Variants in TFEB observed in about 807,000 individuals in gnomAD.
The protein encoded by TFEB is transcription factor EB.
Under a neutral mutation model 48.0 loss-of-function variants are expected in TFEB, and 12 were observed. That is an observed-to-expected ratio of 0.25 (90% CI 0.16 to 0.40). The LOEUF is 0.40. Among genes scored for constraint, TFEB ranks in the 10% least tolerant of loss-of-function variants. TFEB has a pLI of 1.00. For missense variants in TFEB, 509 were observed against 640.3 expected (o/e 0.79, Z 2.21); for synonymous variants, 244 against 261.4 (o/e 0.93, Z 0.64).
chr6:41,697,954 G>C (rs1444260421), intron 1 of TFEB, among the ~76,000 whole-genome samples: 1 of 152,134 alleles, frequency 6.6e-6, no homozygotes, highest in East Asian at 1.9e-4. Context: ...TTTGGATGAT[G>C]TAACCATAAG....
Position 41,686,095 on chromosome 6 carries a change from T to C in TFEB, c.946A>G (p.Ile316Val). ...GTCCAAGTTCAGGACCAGACCTGGA[T>C]ACGGAGCCAGAGCTGCTTGTTGGTC... ...EMTNKQLWLR[I>V]QELEMQARVH... Residue 316 changes from isoleucine to valine, a missense_variant, in exon 8 of 9, where the codon ATC becomes GTC. By Grantham distance (29) the Ile-to-Val change is conservative (BLOSUM62 3). This residue lies in a region of TFEB where 62 missense variants were observed against 90.2 expected (regional missense o/e 0.69). Transcript: ENST00000373033. 1 of 1,614,240 alleles carries C rather than the reference T, an allele frequency of 6.2e-7. No individual in the cohort carries two copies. Among genetic ancestry groups the C allele is most frequent in the Non-Finnish European group, 8.5e-7 (1 of 1,180,040 alleles).
intron 1 of TFEB, among the ~76,000 whole-genome samples, chr6:41,715,465 T>C (rs1453247790): frequency 6.6e-6 from 1 of 151,752 alleles, no homozygotes; most frequent in Non-Finnish European, 1.5e-5. Flanking sequence ...AGGTCGGGAG[T>C]TCGAGACCAG....
At chr6:41,733,757 C>T in intron 1 of TFEB, 1 of 985,378 alleles carries the variant, frequency 1.0e-6, no homozygotes, top group Non-Finnish European at 1.2e-6. Context: ...TGCTGGCTGT[C>T]CCTCCCCGGA....
intron 1 of TFEB, among the ~76,000 whole-genome samples, chr6:41,715,678 A>C (rs1334567531): frequency 8.8e-6 from 1 of 113,800 alleles, no homozygotes; most frequent in Non-Finnish European, 1.9e-5. Context: ...TCAATTAAGA[A>C]AAAAAAAAAA....
chr6:41,706,514 C>A (rs906352562), intron 1 of TFEB, among the ~76,000 whole-genome samples: 1 of 151,810 alleles, frequency 6.6e-6, no homozygotes, highest in African/African-American at 2.4e-5. Context: ...TACACCCCCC[C>A]ACCCCCATCC....
At chr6:41,709,287 G>T (rs181440035) in intron 1 of TFEB, among the ~76,000 whole-genome samples, 2 of 149,912 alleles carry the variant, frequency 1.3e-5, no homozygotes, top group East Asian at 3.9e-4. Flanking sequence ...TTCTAGCTGT[G>T]TGACCTTCAT....
chr6:41,687,565 T>C (rs1769075103), intron 6 of TFEB, 188 bp downstream of exon 6: 1 of 724,552 alleles, frequency 1.4e-6, no homozygotes, highest in Admixed American at 2.3e-5. Flanking sequence ...AGAGGCCTAG[T>C]GGAAAGACAG....
chr6:41,698,897 C>A (rs1769750220), intron 1 of TFEB, among the ~76,000 whole-genome samples: 1 of 152,246 alleles, frequency 6.6e-6, no homozygotes, highest in Admixed American at 6.5e-5. Context: ...ACAAGGACAT[C>A]ACATAATCCT....
chr6:41,712,736 A>G (rs1770537497), intron 1 of TFEB, among the ~76,000 whole-genome samples: 1 of 151,690 alleles, frequency 6.6e-6, no homozygotes, highest in Non-Finnish European at 1.5e-5. Flanking sequence ...CAGGCACACA[A>G]TGGGGCTGTG....
At chr6:41,709,529 GTGGATGGATGGATGGATGGA>G (rs10604830) in intron 1 of TFEB, among the ~76,000 whole-genome samples, 3 of 149,330 alleles carry the variant, frequency 2.0e-5, no homozygotes, top group African/African-American at 4.9e-5. Context: ...ATAATGGTTG[GTGGATGGATGGATGGATGGA>G]TGGATGGATG....
Position 41,684,744 on chromosome 6 carries a change from G to A in TFEB, c.1286C>T (p.Ser429Phe). 6.2e-7 allele frequency: 1 copy of A among 1,613,544 alleles called. No individual in the cohort carries two copies. Among genetic ancestry groups the A allele is most frequent in the South Asian group, 1.1e-5 (1 of 91,002 alleles). The change falls in exon 9 of 9, where the codon TCC becomes TTC. Residue 429 changes from serine to phenylalanine, a missense_variant. Ser to Phe is a radical substitution (Grantham distance 155). Around this residue, in one of 4 missense-constraint regions of TFEB, gnomAD observed 168 missense variants for 161.0 expected, o/e 1.04. Coordinates refer to ENST00000373033, the MANE Select transcript of TFEB (RefSeq NM_001271944.2). ...GAGCATGAGGTCCAGATCCTTCTTG[G>A]ACAGGCTGGGGAATGGGGAGCCATG... is the stretch of plus-strand genomic sequence containing the variant. The part of the protein sequence containing the change: ...PGHGSPFPSL[S>F]KKDLDLMLLD...
In TFEB at chr6:41,689,683, C is replaced by T. The variant is rs372330680; in HGVS notation, c.549+48G>A. 3.5e-5 allele frequency: 52 copies of T among 1,493,292 alleles called. No individual in the cohort carries two copies. In the African/African-American group the frequency reaches 4.6e-4, roughly 13 times the overall value. The allele number at this position is 1,493,292 out of a possible 1,614,324, so 92.5% of individuals were successfully genotyped here. ...CAGGCTCAGAGCCACAGTGGGTGCC[C>T]CCCTCCCTAGAACCCTTGCACACCC... On this transcript the variant is annotated intron_variant, in intron 4 of 8. Transcript: ENST00000373033.
rs757546185 is a variant in TFEB at position 41,684,774 on chromosome 6, G to A, written c.1256C>T (p.Pro419Leu). Residue 419 changes from proline to leucine, a missense_variant, in exon 9 of 9, where the codon CCG becomes CTG. Around this residue, in one of 4 missense-constraint regions of TFEB, gnomAD observed 168 missense variants for 161.0 expected, o/e 1.04. Coordinates refer to ENST00000373033, the MANE Select transcript of TFEB (RefSeq NM_001271944.2). ...GCTGGGGAATGGGGAGCCATGCCCCGGCGCCAGGGGTTCGGGGTAGCCCGG... is the reference window on the plus strand; with the variant it reads ...GCTGGGGAATGGGGAGCCATGCCCCAGCGCCAGGGGTTCGGGGTAGCCCGG... The part of the protein sequence containing the change: ...GPPGYPEPLA[P>L]GHGSPFPSLS... 55 of 1,611,064 alleles carry A rather than the reference G, an allele frequency of 3.4e-5. No individual in the cohort carries two copies. Among genetic ancestry groups the A allele is most frequent in the East Asian group, 1.6e-4 (7 of 44,710 alleles).
At chr6:41,714,126 C>CGT (rs1561866616) in intron 1 of TFEB, among the ~76,000 whole-genome samples, 1 of 119,258 alleles carries the variant, frequency 8.4e-6, no homozygotes, top group African/African-American at 4.0e-5. Flanking sequence ...TGTGTGTGTG[C>CGT]GTGTGCATGT....
intron 1 of TFEB, among the ~76,000 whole-genome samples, chr6:41,706,131 G>C (rs1770207322): frequency 1.3e-5 from 2 of 152,200 alleles, no homozygotes; most frequent in Admixed American, 1.3e-4. Context: ...CAGGGAGAGG[G>C]GCCTAGCAAG....
rs776094070 is a variant in TFEB, at chr6:41,688,008, G to A, written c.570C>T (p.His190=). 2 of 1,612,648 alleles carry A rather than the reference G, an allele frequency of 1.2e-6. No individual in the cohort carries two copies. Among genetic ancestry groups the A allele is most frequent in the South Asian group, 2.2e-5 (2 of 90,998 alleles). Residue 190 remains histidine, a synonymous_variant, in exon 5 of 9, where the codon CAC becomes CAT. Coordinates refer to ENST00000373033, the MANE Select transcript of TFEB (RefSeq NM_001271944.2). ...MPNTLPLSSS[H]LNVYSSDPQV... ...GGGGGTCGCTGCTGTACACATTCAG[G>A]TGGCTGCTGGACAGGGGTAGCTGTG... is the stretch of plus-strand genomic sequence containing the variant.
intron 1 of TFEB, among the ~76,000 whole-genome samples, chr6:41,728,469 G>A (rs986285667): frequency 3.3e-5 from 5 of 152,240 alleles, no homozygotes; most frequent in African/African-American, 1.2e-4. Context: ...CACCTGGCTA[G>A]AGCTGGGAGG....
At chr6:41,718,532 A>T (rs1205092207) in intron 1 of TFEB, among the ~76,000 whole-genome samples, 2 of 152,142 alleles carry the variant, frequency 1.3e-5, no homozygotes, top group Non-Finnish European at 2.9e-5. Context: ...ATTAACTCTT[A>T]AATGATTTTG....
chr6:41,710,531 A>T (rs1770430812), intron 1 of TFEB, among the ~76,000 whole-genome samples: 1 of 152,224 alleles, frequency 6.6e-6, no homozygotes, highest in African/African-American at 2.4e-5. Context: ...TCTTTGGAGA[A>T]ATGAAGAAAG....
Sources: allele counts gnomAD v4.1 joint callset (sites outside exome capture counted in the v4.1 genomes callset), GRCh38; gene constraint gnomAD v4.1.1; regional missense constraint gnomAD v4.1.1; transcripts MANE v1.5; gene names NCBI Gene and HGNC (gene_info 2026-07-23, HGNC 2026-07-21).